The following DOCK3 variants were observed in gnomAD, a reference collection of about 807,000 sequenced individuals.
The protein encoded by DOCK3 is dedicator of cytokinesis 3, also known as dedicator of cytokinesis protein 3.
DOCK3 carries 60 observed loss-of-function variants against 265.6 expected under a neutral mutation model. The ratio of observed to expected loss-of-function variants is 0.23; its 90% CI spans 0.18 to 0.28. The LOEUF is 0.28. DOCK3 is among the 10% of genes least tolerant of loss of function. The pLI is 1.00. For missense variants in DOCK3, 1,981 were observed against 2,594.3 expected, an observed-to-expected ratio of 0.76 and a Z score of 5.14; for synonymous variants, 881 against 938.0, an observed-to-expected ratio of 0.94 and a Z score of 1.11.
At chr3:51,333,280 C>T (rs1276734671) in intron 35 of DOCK3, 27 bp downstream of exon 35, 3 of 1,602,932 alleles carry the variant, frequency 1.9e-6, no homozygotes, top group Non-Finnish European at 2.6e-6. Context: ...CCGCTCCCCT[C>T]TTCCCTTGTC....
intron 32 of DOCK3, among the ~76,000 whole-genome samples, chr3:51,320,070 C>G (rs10865970): frequency 0.87 from 132,599 of 152,038 alleles, 57,923 homozygotes; most frequent in East Asian, 0.94. Flanking sequence ...CTGTAGCTCC[C>G]AAGATCAACA....
At chr3:50,895,667 C>G (rs1044469223) in intron 4 of DOCK3, among the ~76,000 whole-genome samples, 1 of 152,072 alleles carries the variant, frequency 6.6e-6, no homozygotes, top group Non-Finnish European at 1.5e-5. Flanking sequence ...CCTCCCCTAG[C>G]TCCCCAACCC....
intron 2 of DOCK3, among the ~76,000 whole-genome samples, chr3:50,781,989 A>G (rs968093483): frequency 6.6e-6 from 1 of 152,166 alleles, no homozygotes; most frequent in Non-Finnish European, 1.5e-5. Context: ...ATAGTATTCC[A>G]TGGTGTATAT....
intron 2 of DOCK3, chr3:50,786,701 G>A (rs1341980228): frequency 1.0e-5 from 7 of 676,202 alleles, no homozygotes; most frequent in Non-Finnish European, 2.0e-5. Context: ...ACAGATAAAG[G>A]GTTTCTCTCC....
At chr3:50,711,221 GC>G (rs2036743587) in intron 1 of DOCK3, among the ~76,000 whole-genome samples, 1 of 149,602 alleles carries the variant, frequency 6.7e-6, no homozygotes, top group South Asian at 2.1e-4. Context: ...AACTGACCTT[GC>G]ATTTCCTGGA....
intron 2 of DOCK3, among the ~76,000 whole-genome samples, chr3:50,809,169 CGAT>C (rs1173101376): frequency 2.0e-5 from 3 of 152,038 alleles, no homozygotes; most frequent in African/African-American, 7.2e-5. Flanking sequence ...AAAGAAGTCA[CGAT>C]GAGTTATTTT....
intron 13 of DOCK3, among the ~76,000 whole-genome samples, chr3:51,211,632 T>C (rs561138632): frequency 6.6e-6 from 1 of 152,096 alleles, no homozygotes; most frequent in East Asian, 1.9e-4. Flanking sequence ...TTCCTTGCGA[T>C]AGTTTGCTGA....
intron 2 of DOCK3, among the ~76,000 whole-genome samples, chr3:50,783,438 AT>A (rs1331602441): frequency 1.3e-5 from 2 of 151,678 alleles, no homozygotes; most frequent in Non-Finnish European, 2.9e-5. Flanking sequence ...GATGTTTAGC[AT>A]TTTTTCATGT....
At chr3:50,859,217 T>G (rs2046778794) in intron 3 of DOCK3, among the ~76,000 whole-genome samples, 1 of 141,464 alleles carries the variant, frequency 7.1e-6, no homozygotes, top group African/African-American at 2.7e-5. Context: ...ATGGTTTTTT[T>G]TTTTTTTTTT....
At chr3:51,227,054 G>A (rs940547115) in intron 15 of DOCK3, among the ~76,000 whole-genome samples, 2 of 152,098 alleles carry the variant, frequency 1.3e-5, no homozygotes, top group East Asian at 1.9e-4. Flanking sequence ...ATGTGGTTAC[G>A]TTCACCCCAA....
At chr3:50,830,871 G>A (rs2045101214) in intron 2 of DOCK3, among the ~76,000 whole-genome samples, 1 of 152,138 alleles carries the variant, frequency 6.6e-6, no homozygotes, top group Non-Finnish European at 1.5e-5. Flanking sequence ...CACAGGCAGA[G>A]CAGCCCTCCT....
chr3:51,024,535 ACCTCAGCTT>A (rs1256533155), intron 5 of DOCK3, among the ~76,000 whole-genome samples: 7 of 152,254 alleles, frequency 4.6e-5, no homozygotes, highest in African/African-American at 1.7e-4. Context: ...GGTGAGAGCT[ACCTCAGCTT>A]CCCTGCTAGG....
chr3:50,734,882 C>T (rs544982521), intron 1 of DOCK3, among the ~76,000 whole-genome samples: 11 of 152,140 alleles, frequency 7.2e-5, no homozygotes, highest in African/African-American at 9.6e-5. Context: ...GGATTACAGG[C>T]GTCAGCCACC....
chr3:51,046,759 T>C (rs927485193), intron 5 of DOCK3, among the ~76,000 whole-genome samples: 1 of 151,992 alleles, frequency 6.6e-6, no homozygotes, highest in Non-Finnish European at 1.5e-5. Context: ...TGCCACCCAA[T>C]AGCAACAGAA....
Position 50,699,649 on chromosome 3 carries a change from C to T in DOCK3, c.37+24349C>T, listed in dbSNP as rs144249421. ...TTCCTTTGTTCTGCTTAAGTGTATG[C>T]ACCATATGGCAACTGGTCAGCTTTG... On this transcript the variant is annotated intron_variant, in intron 1 of 52. Transcript: ENST00000266037. Among the ~76,000 whole-genome samples, 300 of 152,070 alleles carry T rather than the reference C, an allele frequency of 2.0e-3. 3 individuals carry two copies. The highest frequency in any genetic ancestry group is 6.6e-3 in the African/African-American group (274 of 41,478).
At chr3:50,966,797 G>A (rs2077046754) in intron 5 of DOCK3, among the ~76,000 whole-genome samples, 1 of 152,098 alleles carries the variant, frequency 6.6e-6, no homozygotes, top group African/African-American at 2.4e-5. Context: ...GGGAGTAGGG[G>A]ATGACCAACT....
At chr3:51,044,727 G>A (rs2080691478) in intron 5 of DOCK3, among the ~76,000 whole-genome samples, 1 of 151,994 alleles carries the variant, frequency 6.6e-6, no homozygotes, top group African/African-American at 2.4e-5. Flanking sequence ...TGAATAACTT[G>A]CTACAGCTTC....
At chr3:50,821,140 C>CTTTTTTTTT (rs771111717) in intron 2 of DOCK3, among the ~76,000 whole-genome samples, 20 of 119,466 alleles carry the variant, frequency 1.7e-4, no homozygotes, top group African/African-American at 3.9e-4. Flanking sequence ...TTTCTTTTTT[C>CTTTTTTTTT]TTTTTTTTTT....
chr3:50,844,407 G>A (rs1366447230), intron 3 of DOCK3, among the ~76,000 whole-genome samples: 1 of 152,032 alleles, frequency 6.6e-6, no homozygotes, highest in African/African-American at 2.4e-5. Context: ...TTTTTGTAGA[G>A]ATGGGGTATC....
Sources: gnomAD v4.1 joint callset for allele counts (sites outside exome capture counted in the v4.1 genomes callset) on GRCh38, gnomAD v4.1.1 for gene constraint, MANE v1.5 for transcripts, NCBI Gene and HGNC (gene_info 2026-07-23, HGNC 2026-07-21) for gene names.